The following RBM46 variants were observed in gnomAD, a reference collection of about 807,000 sequenced individuals.
RBM46 encodes RNA binding motif protein 46, also known as probable RNA-binding protein 46.
In RBM46, 12 loss-of-function variants were observed where a neutral mutation model predicts 43.3. The observed-to-expected ratio is 0.28, with a 90% confidence interval of 0.18 to 0.45. The LOEUF (loss-of-function observed/expected upper bound fraction) is 0.45. Among genes scored for constraint, RBM46 ranks in the 20% least tolerant of loss-of-function variants. The probability of loss-of-function intolerance (pLI) is 1.00; values close to 1 mark genes in which losing one functional copy is unlikely to be tolerated. For missense variants in RBM46, 412 were observed against 639.1 expected (o/e 0.64, Z 3.83); for synonymous variants, 205 against 207.6 (o/e 0.99, Z 0.11).
chr4:154,791,418 A>G (rs528503580), intron 1 of RBM46, among the ~76,000 whole-genome samples: 6 of 152,308 alleles, frequency 3.9e-5, no homozygotes, highest in African/African-American at 1.4e-4. Flanking sequence ...GCACTTTGAG[A>G]GGCCAAGGCG....
At chr4:154,794,177 CTTTTT>C (rs58437982) in intron 1 of RBM46, among the ~76,000 whole-genome samples, 47 of 115,732 alleles carry the variant, frequency 4.1e-4, no homozygotes, top group East Asian at 1.5e-3. Flanking sequence ...GTAGTAATCA[CTTTTT>C]TTTTTTTTTT....
intron 4 of RBM46, 135 bp downstream of exon 4, chr4:154,799,699 T>G: frequency 1.7e-6 from 1 of 584,108 alleles, no homozygotes; most frequent in Non-Finnish European, 2.7e-6. Context: ...TTTTATAAAG[T>G]CATGATAACT....
rs548581844 is a variant in RBM46 at position 154,804,532 on chromosome 4, A to G, written c.1402+4968A>G. 3.3e-5 allele frequency among the ~76,000 whole-genome samples: 5 copies of G among 152,312 alleles called. No individual in the cohort carries two copies. In the South Asian group the frequency reaches 1.0e-3, roughly 32 times the overall value. On this transcript the variant is annotated intron_variant, in intron 4 of 4. Transcript: ENST00000281722. The stretch of plus-strand genomic sequence containing the variant: ...ATCAAGGAACGTCCTGGAGAGTTAG[A>G]GTTTTGAAGAAGAAAGTCCTGGAGA...
At position 154,828,154 on chromosome 4, in the gene RBM46, G is replaced by C. The variant is rs1736056329; in HGVS notation, c.*87G>C. The C allele has an allele frequency of 3.8e-6, 4 of 1,045,338 alleles. No individual in the cohort carries two copies. The highest frequency in any genetic ancestry group is 5.9e-6 in the Non-Finnish European group (4 of 682,602). The allele number at this position is 1,045,338 out of a possible 1,614,324, so 64.8% of individuals were successfully genotyped here. On this transcript the variant is annotated 3_prime_UTR_variant, in exon 5 of 5. Coordinates refer to ENST00000281722, the MANE Select transcript of RBM46 (RefSeq NM_144979.5). ...AAAATATTGTTTTATTTTAGAATCG[G>C]GTTTGCATATTTGGTTTTAAAAAGG...
At chr4:154,806,661 T>G (rs547310187) in intron 4 of RBM46, among the ~76,000 whole-genome samples, 1 of 151,606 alleles carries the variant, frequency 6.6e-6, no homozygotes, top group Non-Finnish European at 1.5e-5. Context: ...GAAAAAAAAA[T>G]AAATAAATAA....
At chr4:154,826,739 C>CTTTTTTTTTTTTTTTT in intron 4 of RBM46, 1 of 933,638 alleles carries the variant, frequency 1.1e-6, no homozygotes, top group Non-Finnish European at 1.5e-6. Flanking sequence ...TTCATTTTTC[C>CTTTTTTTTTTTTTTTT]TTTTTTTTTT....
chr4:154,786,428 C>G (rs1733769928), intron 1 of RBM46, among the ~76,000 whole-genome samples: 1 of 152,078 alleles, frequency 6.6e-6, no homozygotes, highest in African/African-American at 2.4e-5. Context: ...CAAAAAATAA[C>G]ATTTCTTTTA....
At position 154,799,504 on chromosome 4, in the gene RBM46, C is replaced by T. The variant is rs1404089562; in HGVS notation, c.1342C>T (p.Leu448Phe). 1 of 1,610,554 alleles carries T rather than the reference C, an allele frequency of 6.2e-7. No homozygotes were observed. Among genetic ancestry groups the T allele is most frequent in the South Asian group, 1.1e-5 (1 of 90,022 alleles). The change falls in exon 4 of 5, where the codon CTC becomes TTC. Residue 448 changes from leucine to phenylalanine, a missense_variant. Leu to Phe is a conservative substitution (Grantham distance 22). Around this residue, in one of 8 missense-constraint regions of RBM46, gnomAD observed 149 missense variants for 156.3 expected, o/e 0.95. Transcript: ENST00000281722. ...CCAGAGTTACTTCATGCCAGACAAA[C>T]TCTGTACTACGTTAGAAGATGCAAA... ...GSQSYFMPDK[L>F]CTTLEDAKEL... is the part of the protein sequence containing the mutation.
At position 154,799,217 on chromosome 4, in the gene RBM46, C is replaced by T; in HGVS notation, c.1055C>T (p.Ala352Val). The change falls in exon 4 of 5, where the codon GCT becomes GTT. Residue 352 changes from alanine to valine, a missense_variant. This residue lies in a region of RBM46 where 105 missense variants were observed against 111.0 expected (regional missense o/e 0.95). Transcript: ENST00000281722. ...KTLGKLPTLP[A>V]RLNGQHSPSP... ...CTAGGCAAGCTGCCAACTCTTCCTG[C>T]TCGTCTCAATGGTCAGCATAGCCCA... The T allele has an allele frequency of 6.2e-7, 1 of 1,614,144 alleles. No homozygotes were observed. The highest frequency in any genetic ancestry group is 1.1e-5 in the South Asian group (1 of 91,080).
At chr4:154,788,127 T>G (rs1733878123) in intron 1 of RBM46, among the ~76,000 whole-genome samples, 1 of 152,222 alleles carries the variant, frequency 6.6e-6, no homozygotes, top group Non-Finnish European at 1.5e-5. Flanking sequence ...TTTCTCCCAT[T>G]CTGTAGGTTG....
intron 1 of RBM46, among the ~76,000 whole-genome samples, chr4:154,792,762 A>G (rs1734163534): frequency 6.6e-6 from 1 of 152,222 alleles, no homozygotes; most frequent in Admixed American, 6.5e-5. Context: ...AGGAACATAT[A>G]TGAGCACCTG....
At chr4:154,807,173 A>G (rs138936733) in intron 4 of RBM46, among the ~76,000 whole-genome samples, 100 of 151,842 alleles carry the variant, frequency 6.6e-4, no homozygotes, top group African/African-American at 2.3e-3. Context: ...ACACAATTAA[A>G]TGTTAGTAGC....
intron 4 of RBM46, 28 bp from the exon 5 acceptor site, chr4:154,827,840 G>A (rs1388301534): frequency 7.5e-6 from 12 of 1,610,528 alleles, no homozygotes; most frequent in Non-Finnish European, 1.0e-5. Context: ...AAGATGTACA[G>A]CATAATTGTT....
intron 4 of RBM46, among the ~76,000 whole-genome samples, chr4:154,812,239 A>T (rs1374687365): frequency 6.6e-6 from 1 of 152,056 alleles, no homozygotes; most frequent in African/African-American, 2.4e-5. Context: ...ATACAATGAG[A>T]TGGGCTTTCA....
chr4:154,827,848 G>T lies in RBM46; in HGVS notation c.1403-20G>T. 6.2e-7 allele frequency: 1 copy of T among 1,612,606 alleles called. No homozygotes were observed. Among genetic ancestry groups the T allele is most frequent in the South Asian group, 1.1e-5 (1 of 91,028 alleles). On this transcript the variant is annotated intron_variant, in intron 4 of 4. Coordinates refer to ENST00000281722, the MANE Select transcript of RBM46 (RefSeq NM_144979.5). ...GTCCATAAAGATGTACAGCATAATT[G>T]TTCATGTATTTATTTACAGACTACA...
In RBM46 at chr4:154,828,161, A is replaced by G; in HGVS notation, c.*94A>G. 2.0e-6 allele frequency: 2 copies of G among 982,734 alleles called. No individual in the cohort carries two copies. Among genetic ancestry groups the G allele is most frequent in the African/African-American group, 1.6e-5 (1 of 61,246 alleles). The allele number at this position is 982,734 out of a possible 1,614,324, so 60.9% of individuals were successfully genotyped here. ...TGTTTTATTTTAGAATCGGGTTTGC[A>G]TATTTGGTTTTAAAAAGGTATTTAT... is the stretch of plus-strand genomic sequence containing the variant. On this transcript the variant is annotated 3_prime_UTR_variant, in exon 5 of 5. Transcript: ENST00000281722.
chr4:154,811,539 CAT>C (rs1185246283), intron 4 of RBM46, among the ~76,000 whole-genome samples: 1 of 152,048 alleles, frequency 6.6e-6, no homozygotes, highest in Non-Finnish European at 1.5e-5. Context: ...AGTTTCCAAT[CAT>C]ATGTAATATA....
intron 4 of RBM46, among the ~76,000 whole-genome samples, chr4:154,808,940 C>T (rs1188381504): frequency 1.3e-5 from 2 of 151,526 alleles, no homozygotes; most frequent in African/African-American, 4.8e-5. Context: ...GGGAAAGAGG[C>T]AATACTAAGC....
chr4:154,799,057 G>C lies in RBM46; in HGVS notation c.895G>C (p.Ala299Pro), dbSNP rs372153334. 6.2e-7 allele frequency: 1 copy of C among 1,613,954 alleles called. No individual in the cohort carries two copies. Among genetic ancestry groups the C allele is most frequent in the African/African-American group, 1.3e-5 (1 of 74,884 alleles). Residue 299 changes from alanine to proline, a missense_variant, in exon 4 of 5, where the codon GCA becomes CCA. Physicochemically the swap from Ala to Pro is conservative, Grantham distance 27 (BLOSUM62 -1). Coordinates refer to ENST00000281722, the MANE Select transcript of RBM46 (RefSeq NM_144979.5). Reference sequence around the variant, plus strand: ...TATGAATGGAAAATGCATTGATGGAGCAAGTATTGAGGTAACACTAGCTAA... The same window carrying C: ...TATGAATGGAAAATGCATTGATGGACCAAGTATTGAGGTAACACTAGCTAA... ...SVMNGKCIDG[A>P]SIEVTLAKPV...
Sources: gnomAD v4.1 joint callset for allele counts (sites outside exome capture counted in the v4.1 genomes callset) on GRCh38, gnomAD v4.1.1 for gene constraint, gnomAD v4.1.1 regional missense constraint, MANE v1.5 for transcripts, NCBI Gene and HGNC (gene_info 2026-07-23, HGNC 2026-07-21) for gene names.